ABCA13: variants seen among roughly 807,000 people sequenced by gnomAD.
The protein encoded by ABCA13 is ATP-binding cassette sub-family A member 13.
Under a neutral mutation model 478.7 loss-of-function variants are expected in ABCA13, and 476 were observed. That is an observed-to-expected ratio of 0.99 (90% confidence interval 0.92 to 1.07). The LOEUF is 1.07. Ranked by LOEUF, ABCA13 falls within the 50% of genes least tolerant of loss-of-function variation. ABCA13 has a pLI of 0.00. For missense variants in ABCA13, 6,060 were observed against 5,910.6 expected (o/e 1.03, Z -0.83); for synonymous variants, 2,252 against 2,158.9 (o/e 1.04, Z -1.20).
chr7:48,335,632 A>T, intron 28 of ABCA13, 97 bp downstream of exon 28: 1 of 849,284 alleles, frequency 1.2e-6, no homozygotes, highest in Non-Finnish European at 1.8e-6. Flanking sequence ...ACAGAGTCAC[A>T]TCAGGCATAG....
At chr7:48,477,397 C>T (rs1391369144) in intron 45 of ABCA13, among the ~76,000 whole-genome samples, 1 of 151,938 alleles carries the variant, frequency 6.6e-6, no homozygotes, top group East Asian at 1.9e-4. Flanking sequence ...TAGGTATATA[C>T]CCAAAGGACT....
At chr7:48,627,131 C>A in intron 59 of ABCA13, 1 of 813,332 alleles carries the variant, frequency 1.2e-6, no homozygotes, top group Non-Finnish European at 1.5e-6. Context: ...ATCTTTATTA[C>A]GTAATGGCTA....
Position 48,317,160 on chromosome 7 carries a change from C to G in ABCA13, c.9863C>G (p.Pro3288Arg), listed in dbSNP as rs186535344. The G allele has an allele frequency of 6.2e-7, 1 of 1,610,296 alleles. No homozygotes were observed. Among genetic ancestry groups the G allele is most frequent in the East Asian group, 2.2e-5 (1 of 44,812 alleles). Residue 3288 changes from proline to arginine, a missense_variant, in exon 27 of 62, where the codon CCG becomes CGG. This residue lies in a region of ABCA13 where 4,423 missense variants were observed against 4,309.1 expected (regional missense o/e 1.03). Transcript: ENST00000435803. Reference protein sequence around the residue: ...EKFNIPEDSTPFCLKLYQEIL... With the variant: ...EKFNIPEDSTRFCLKLYQEIL... ...TTTTTCTTTCTAATTGCAACAGCAC[C>G]GTTTTGCTTGAAGCTTTATCAGGAA...
intron 31 of ABCA13, among the ~76,000 whole-genome samples, chr7:48,354,633 A>G (rs1300322861): frequency 6.6e-6 from 1 of 152,086 alleles, no homozygotes; most frequent in Non-Finnish European, 1.5e-5. Context: ...TTATTCTACT[A>G]CTGGGATACA....
chr7:48,479,391 C>T (rs780246605), intron 45 of ABCA13, among the ~76,000 whole-genome samples: 6 of 152,110 alleles, frequency 3.9e-5, no homozygotes, highest in Non-Finnish European at 7.3e-5. Flanking sequence ...GATTGTGCTA[C>T]CACGCCCTGC....
chr7:48,227,938 G>A (rs983730247), intron 6 of ABCA13, among the ~76,000 whole-genome samples: 7 of 152,190 alleles, frequency 4.6e-5, no homozygotes, highest in African/African-American at 1.2e-4. Flanking sequence ...TTAGCTGGAC[G>A]TTGGTCTCCT....
intron 27 of ABCA13, among the ~76,000 whole-genome samples, chr7:48,318,857 A>G (rs6950478): frequency 0.024 from 3,602 of 152,266 alleles, 145 homozygotes; most frequent in African/African-American, 0.082. Flanking sequence ...ATGATATGCT[A>G]TATTATTATG....
intron 50 of ABCA13, among the ~76,000 whole-genome samples, 156 bp from the exon 51 acceptor site, chr7:48,510,928 C>T (rs757984562): frequency 9.9e-5 from 15 of 152,114 alleles, no homozygotes; most frequent in African/African-American, 3.1e-4. Context: ...TTAAAACAAG[C>T]GACTTTCCAG....
chr7:48,616,802 C>T (rs559249694), intron 59 of ABCA13, among the ~76,000 whole-genome samples: 1 of 152,288 alleles, frequency 6.6e-6, no homozygotes, highest in South Asian at 2.1e-4. Context: ...GGGAGGATCA[C>T]TTGAGGCCCA....
chr7:48,210,993 T>C (rs1162208966), intron 3 of ABCA13, among the ~76,000 whole-genome samples: 1 of 152,198 alleles, frequency 6.6e-6, no homozygotes, highest in African/African-American at 2.4e-5. Flanking sequence ...GCTCTGTTAA[T>C]ATTTGCTTTT....
intron 58 of ABCA13, among the ~76,000 whole-genome samples, chr7:48,611,771 A>C (rs1306288191): frequency 1.3e-5 from 2 of 152,192 alleles, no homozygotes. Context: ...ACACCAACAC[A>C]AACCATATCA....
At position 48,272,857 on chromosome 7, in the gene ABCA13, G is replaced by A. The variant is rs938219277; in HGVS notation, c.3191G>A (p.Gly1064Asp). ...GAAGTGATCCACACTACTTTGACAG[G>A]CCTCAAACAGCTGCTCATAATTGAT... ...ELEVIHTTLT[G>D]LKQLLIIDED... The change falls in exon 17 of 62, where the codon GGC (glycine) becomes GAC (aspartate). Residue 1064 changes from glycine (G) to aspartate (D), a missense_variant. Physicochemically the swap from Gly to Asp is moderately conservative, Grantham distance 94. Transcript: ENST00000435803. The A allele has an allele frequency of 1.9e-6, 3 of 1,607,032 alleles. No homozygotes were observed. The highest frequency in any genetic ancestry group is 1.7e-5 in the Admixed American group (1 of 59,030).
At chr7:48,176,024 A>G (rs969058107) in intron 1 of ABCA13, among the ~76,000 whole-genome samples, 5 of 152,144 alleles carry the variant, frequency 3.3e-5, no homozygotes, top group Admixed American at 6.5e-5. Flanking sequence ...TAGCCTGTGT[A>G]CTGTGGATGG....
chr7:48,518,861 C>A (rs1279626669), intron 52 of ABCA13, among the ~76,000 whole-genome samples: 1 of 151,932 alleles, frequency 6.6e-6, no homozygotes, highest in East Asian at 1.9e-4. Flanking sequence ...CAGGTTTGTT[C>A]CATAGATAAA....
intron 55 of ABCA13, among the ~76,000 whole-genome samples, chr7:48,556,944 G>A (rs987921109): frequency 6.6e-5 from 10 of 151,522 alleles, no homozygotes; most frequent in Non-Finnish European, 8.9e-5. Context: ...TTTTTATTTT[G>A]TTGTTTATCT....
intron 59 of ABCA13, among the ~76,000 whole-genome samples, chr7:48,621,055 T>A (rs1481230031): frequency 1.3e-5 from 2 of 152,064 alleles, no homozygotes; most frequent in African/African-American, 4.8e-5. Context: ...TCTAAATACA[T>A]CCCTACCCCA....
chr7:48,306,077 G>A (rs893655228), intron 23 of ABCA13, among the ~76,000 whole-genome samples: 3 of 152,214 alleles, frequency 2.0e-5, no homozygotes, highest in African/African-American at 7.2e-5. Context: ...CAGGAACAAC[G>A]AACGAACGCA....
intron 35 of ABCA13, among the ~76,000 whole-genome samples, chr7:48,381,451 A>G (rs772647796): frequency 9.9e-5 from 15 of 151,962 alleles, no homozygotes; most frequent in Non-Finnish European, 1.6e-4. Context: ...TCTTTGTTAT[A>G]AAGTGACCCT....
At chr7:48,463,897 T>C (rs1226019949) in intron 43 of ABCA13, among the ~76,000 whole-genome samples, 2 of 151,980 alleles carry the variant, frequency 1.3e-5, no homozygotes, top group Non-Finnish European at 2.9e-5. Context: ...GAGTGTAGGC[T>C]GCTGTCTTCC....
Sources: allele counts gnomAD v4.1 joint callset (sites outside exome capture counted in the v4.1 genomes callset), GRCh38; gene constraint gnomAD v4.1.1; regional missense constraint gnomAD v4.1.1; transcripts MANE v1.5; gene names NCBI Gene and HGNC (gene_info 2026-07-23, HGNC 2026-07-21).